Variants in DYM observed in about 807,000 individuals in gnomAD.
DYM encodes dyggve-Melchior-Clausen syndrome protein.
Under a neutral mutation model 93.1 loss-of-function variants are expected in DYM, and 78 were observed. The observed-to-expected ratio is 0.84, with a 90% CI of 0.70 to 1.01. The LOEUF (loss-of-function observed/expected upper bound fraction) is 1.01, where lower values mean the gene tolerates loss of function less well. Ranked by LOEUF, DYM falls within the 50% of genes least tolerant of loss-of-function variation. The pLI, the probability that DYM is intolerant of heterozygous loss-of-function variation, is 0.00. For missense variants in DYM, 789 were observed against 845.0 expected, an observed-to-expected ratio of 0.93 and a Z score of 0.82; for synonymous variants, 321 against 319.7, an observed-to-expected ratio of 1.00 and a Z score of -0.04.
chr18:49,403,515 G>A (rs2071088231), intron 2 of DYM, among the ~76,000 whole-genome samples: 1 of 152,208 alleles, frequency 6.6e-6, no homozygotes, highest in African/African-American at 2.4e-5. Context: ...TTATAGATGA[G>A]ATATTCACAC....
At chr18:49,193,865 C>A (rs1244406654) in intron 14 of DYM, among the ~76,000 whole-genome samples, 1 of 152,142 alleles carries the variant, frequency 6.6e-6, no homozygotes, top group Non-Finnish European at 1.5e-5. Context: ...TAACTTAGAT[C>A]ATATTGTAAT....
At chr18:49,248,455 GT>G (rs1000065821) in intron 13 of DYM, among the ~76,000 whole-genome samples, 2 of 152,124 alleles carry the variant, frequency 1.3e-5, no homozygotes, top group African/African-American at 4.8e-5. Context: ...CTCAAATGAA[GT>G]AGGTATGATA....
intron 13 of DYM, among the ~76,000 whole-genome samples, chr18:49,229,197 C>A (rs1371067901): frequency 6.6e-6 from 1 of 151,264 alleles, no homozygotes; most frequent in Non-Finnish European, 1.5e-5. Context: ...ATCTATTAGA[C>A]AAAATAATAA....
intron 6 of DYM, among the ~76,000 whole-genome samples, chr18:49,348,141 C>T (rs1485292271): frequency 5.3e-5 from 8 of 152,110 alleles, no homozygotes; most frequent in African/African-American, 1.7e-4. Context: ...TAAGAGCAGT[C>T]AACGAATACA....
At chr18:49,238,747 A>T (rs557103572) in intron 13 of DYM, among the ~76,000 whole-genome samples, 1 of 151,448 alleles carries the variant, frequency 6.6e-6, no homozygotes, top group Non-Finnish European at 1.5e-5. Context: ...AGCTGAGACC[A>T]TGCCATTGCA....
At chr18:49,129,572 T>G (rs1245739881) in intron 15 of DYM, among the ~76,000 whole-genome samples, 1 of 152,188 alleles carries the variant, frequency 6.6e-6, no homozygotes, top group Non-Finnish European at 1.5e-5. Context: ...GATGAATTAT[T>G]AAAGGCTAAT....
chr18:49,447,206 G>A (rs185608670), intron 1 of DYM: 115 of 152,332 alleles, frequency 7.5e-4, no homozygotes, highest in African/African-American at 2.6e-3. Flanking sequence ...TCAAGGACCT[G>A]AAAGAAGTTT....
At chr18:49,257,628 G>T (rs916167512) in intron 12 of DYM, among the ~76,000 whole-genome samples, 4 of 151,334 alleles carry the variant, frequency 2.6e-5, no homozygotes, top group Non-Finnish European at 5.9e-5. Context: ...TTCAGGACAA[G>T]AGTTCAAAAC....
intron 1 of DYM, among the ~76,000 whole-genome samples, chr18:49,443,868 A>T (rs75454412): frequency 0.091 from 13,894 of 152,274 alleles, 855 homozygotes; most frequent in East Asian, 0.31. Flanking sequence ...CAGCCAAAGA[A>T]TTGTGTCCAG....
chr18:49,046,308 C>A (rs1235434982), intron 17 of DYM, among the ~76,000 whole-genome samples: 1 of 130,088 alleles, frequency 7.7e-6, no homozygotes, highest in African/African-American at 2.8e-5. Flanking sequence ...CGCGCGCACA[C>A]ACACACACAC....
At chr18:49,093,310 G>A (rs2079243111) in intron 17 of DYM, 2 of 152,242 alleles carry the variant, frequency 1.3e-5, no homozygotes, top group Non-Finnish European at 2.9e-5. Flanking sequence ...ATCGGCCAGC[G>A]GCTGACAGCG....
At chr18:49,406,906 A>G (rs80261482) in intron 2 of DYM, among the ~76,000 whole-genome samples, 13,923 of 152,276 alleles carry the variant, frequency 0.091, 859 homozygotes, top group East Asian at 0.31. Context: ...TTTCATAGCA[A>G]CTTTATTCAT....
intron 10 of DYM, among the ~76,000 whole-genome samples, chr18:49,275,712 ATCTC>A (rs2094832987): frequency 6.6e-6 from 1 of 152,010 alleles, no homozygotes; most frequent in Non-Finnish European, 1.5e-5. Flanking sequence ...CCCTATCTCT[ATCTC>A]TATTTTTTTT....
chr18:49,425,332 G>C (rs922524757), intron 2 of DYM, among the ~76,000 whole-genome samples: 9 of 152,272 alleles, frequency 5.9e-5, no homozygotes, highest in East Asian at 5.8e-4. Flanking sequence ...GGGAAAACTG[G>C]CTAGCCATAT....
chr18:49,204,241 T>C (rs1424080058), intron 14 of DYM, among the ~76,000 whole-genome samples: 1 of 152,216 alleles, frequency 6.6e-6, no homozygotes, highest in East Asian at 1.9e-4. Context: ...AAAGAGAATA[T>C]AATGTTTTTA....
At chr18:49,185,342 C>CT (rs1474297991) in intron 14 of DYM, among the ~76,000 whole-genome samples, 1 of 152,164 alleles carries the variant, frequency 6.6e-6, no homozygotes, top group Non-Finnish European at 1.5e-5. Flanking sequence ...AAAATTACAT[C>CT]TTTAAGACTT....
intron 2 of DYM, among the ~76,000 whole-genome samples, chr18:49,403,762 C>T (rs183123452): frequency 3.6e-4 from 55 of 150,850 alleles, no homozygotes; most frequent in African/African-American, 1.3e-3. Flanking sequence ...ATAGTAGTAC[C>T]CAGTGTCTAT....
intron 6 of DYM, among the ~76,000 whole-genome samples, chr18:49,355,116 T>C (rs1321796797): frequency 6.6e-6 from 1 of 151,924 alleles, no homozygotes; most frequent in Non-Finnish European, 1.5e-5. Flanking sequence ...TTAAACATAC[T>C]TTAACCATCA....
rs372364948 is a variant in DYM at position 49,289,605 on chromosome 18, T to A, written c.764-2989A>T. On this transcript the variant is annotated intron_variant, in intron 8 of 17. Transcript: ENST00000675505. ...TCATGCTTGTAGTCCCAGCTACTCA[T>A]GAGGCTGAAGCAGGAGGATCACTTG... 3.2e-4 allele frequency among the ~76,000 whole-genome samples: 47 copies of A among 148,470 alleles called. No individual in the cohort carries two copies. In the East Asian group the frequency reaches 7.8e-3, roughly 25 times the overall value.
Sources: gnomAD v4.1 joint callset for allele counts (sites outside exome capture counted in the v4.1 genomes callset) on GRCh38, gnomAD v4.1.1 for gene constraint, MANE v1.5 for transcripts, NCBI Gene and HGNC (gene_info 2026-07-23, HGNC 2026-07-21) for gene names.